The following GRK3 variants were observed in gnomAD, a reference collection of about 807,000 sequenced individuals.
GRK3 encodes the protein G protein-coupled receptor kinase 3.
Under a neutral mutation model 95.7 loss-of-function variants are expected in GRK3, and 54 were observed. The observed-to-expected ratio is 0.56, with a 90% confidence interval of 0.45 to 0.71. GRK3 has a LOEUF of 0.71. Among genes scored for constraint, GRK3 ranks in the 30% least tolerant of loss-of-function variants. The pLI, the probability that GRK3 is intolerant of heterozygous loss-of-function variation, is 0.00. For synonymous variants in GRK3, 281 were observed against 290.8 expected (o/e 0.97, Z 0.34); for missense variants, 649 against 851.2 (o/e 0.76, Z 2.96).
chr22:25,590,230 A>G (rs762512196), intron 1 of GRK3, among the ~76,000 whole-genome samples: 2 of 152,242 alleles, frequency 1.3e-5, no homozygotes, highest in African/African-American at 2.4e-5. Context: ...TACAAAAGTG[A>G]AAGTGGAATA....
intron 11 of GRK3, among the ~76,000 whole-genome samples, chr22:25,689,535 T>G (rs1419558954): frequency 1.3e-5 from 2 of 152,242 alleles, no homozygotes; most frequent in Non-Finnish European, 2.9e-5. Flanking sequence ...TCAATGTATA[T>G]CCGAGAGACT....
chr22:25,681,808 C>G (rs1306182949), intron 9 of GRK3, among the ~76,000 whole-genome samples: 1 of 152,148 alleles, frequency 6.6e-6, no homozygotes, highest in African/African-American at 2.4e-5. Context: ...CAGTTCCTTG[C>G]TCAAGAGTTT....
intron 2 of GRK3, among the ~76,000 whole-genome samples, chr22:25,609,686 C>T (rs952091315): frequency 7.9e-5 from 12 of 151,932 alleles, no homozygotes; most frequent in East Asian, 7.7e-4. Flanking sequence ...GTATAAAGAA[C>T]GTGGTAATAT....
intron 17 of GRK3, among the ~76,000 whole-genome samples, chr22:25,711,917 C>T (rs1050775346): frequency 8.5e-5 from 13 of 152,220 alleles, no homozygotes; most frequent in African/African-American, 2.9e-4. Context: ...TTAAAACACA[C>T]ACCTGTGAGG....
chr22:25,660,007 C>A (rs1044116582), intron 3 of GRK3, among the ~76,000 whole-genome samples: 7 of 152,144 alleles, frequency 4.6e-5, no homozygotes, highest in Admixed American at 4.6e-4. Context: ...TCCATGAAGT[C>A]TTATTATCCC....
chr22:25,604,907 C>T (rs184748080), intron 2 of GRK3, among the ~76,000 whole-genome samples: 211 of 152,236 alleles, frequency 1.4e-3, no homozygotes, highest in African/African-American at 4.9e-3. Flanking sequence ...CTGATAGATC[C>T]CTTTAAGACT....
At chr22:25,642,677 C>T (rs1006466197) in intron 2 of GRK3, among the ~76,000 whole-genome samples, 5 of 152,084 alleles carry the variant, frequency 3.3e-5, no homozygotes, top group Non-Finnish European at 7.4e-5. Flanking sequence ...TCCATGTGTA[C>T]CCATTGTTTA....
chr22:25,687,998 A>G (rs2085131050), intron 11 of GRK3, among the ~76,000 whole-genome samples: 1 of 152,158 alleles, frequency 6.6e-6, no homozygotes, highest in East Asian at 1.9e-4. Flanking sequence ...GCACTTTGGG[A>G]GGCCAAGGAG....
chr22:25,693,343 G>C (rs2085180247), intron 12 of GRK3, among the ~76,000 whole-genome samples: 1 of 152,132 alleles, frequency 6.6e-6, no homozygotes, highest in Admixed American at 6.5e-5. Context: ...AAAGCATGGG[G>C]GGCTGGTCTG....
At chr22:25,643,603 G>A (rs541746363) in intron 2 of GRK3, among the ~76,000 whole-genome samples, 1 of 152,202 alleles carries the variant, frequency 6.6e-6, no homozygotes, top group African/African-American at 2.4e-5. Context: ...TAATTGTTTT[G>A]ACTTTTTGGA....
At chr22:25,674,863 G>A (rs894795574) in intron 8 of GRK3, among the ~76,000 whole-genome samples, 1 of 152,194 alleles carries the variant, frequency 6.6e-6, no homozygotes, top group Non-Finnish European at 1.5e-5. Context: ...GCAGGAGAAT[G>A]GCGTGAACCC....
chr22:25,568,910 A>C (rs2146308736), intron 1 of GRK3, among the ~76,000 whole-genome samples: 1 of 152,370 alleles, frequency 6.6e-6, no homozygotes, highest in African/African-American at 2.4e-5. Flanking sequence ...AGAACTATCT[A>C]AACATAGTCT....
intron 3 of GRK3, chr22:25,649,259 TC>T: frequency 9.4e-7 from 1 of 1,065,882 alleles, no homozygotes; most frequent in Non-Finnish European, 1.5e-6. Flanking sequence ...TTTTATATGC[TC>T]ACATCTGCCA....
At chr22:25,579,733 A>G (rs1055318490) in intron 1 of GRK3, among the ~76,000 whole-genome samples, 2 of 151,784 alleles carry the variant, frequency 1.3e-5, no homozygotes, top group East Asian at 1.9e-4. Flanking sequence ...CAGCCTCCCA[A>G]AGTGCTGGGA....
chr22:25,691,570 C>G (rs914294285), intron 12 of GRK3, among the ~76,000 whole-genome samples: 4 of 152,242 alleles, frequency 2.6e-5, no homozygotes, highest in African/African-American at 9.6e-5. Context: ...AATTATTAGG[C>G]CAGAACCTGT....
chr22:25,630,753 G>A (rs998843048), intron 2 of GRK3, among the ~76,000 whole-genome samples: 3 of 151,986 alleles, frequency 2.0e-5, no homozygotes, highest in Admixed American at 6.5e-5. Flanking sequence ...AAATCTCTCC[G>A]TTATCTAAAT....
chr22:25,711,794 G>T (rs2085345963), intron 17 of GRK3, among the ~76,000 whole-genome samples: 2 of 152,112 alleles, frequency 1.3e-5, no homozygotes, highest in African/African-American at 2.4e-5. Context: ...TCTACCCCCT[G>T]CCCCCGGGCC....
intron 13 of GRK3, chr22:25,702,934 G>C (rs1016688239): frequency 4.4e-6 from 2 of 455,532 alleles, no homozygotes; most frequent in Admixed American, 4.7e-5. Context: ...TCTGGAGTCG[G>C]GTTCTGCACA....
intron 2 of GRK3, among the ~76,000 whole-genome samples, chr22:25,643,125 G>A (rs2084755366): frequency 6.6e-6 from 1 of 152,124 alleles, no homozygotes; most frequent in African/African-American, 2.4e-5. Flanking sequence ...AAGAGACAAC[G>A]ATTACTCTTA....
Sources: allele counts gnomAD v4.1 joint callset (sites outside exome capture counted in the v4.1 genomes callset), GRCh38; gene constraint gnomAD v4.1.1; transcripts MANE v1.5; gene names NCBI Gene and HGNC (gene_info 2026-07-23, HGNC 2026-07-21).